Variants in NLRP13 observed in about 807,000 individuals in gnomAD.
NLRP13 encodes NLR family pyrin domain containing 13, also known as NACHT, LRR and PYD domains-containing protein 13.
Under a neutral mutation model 94.4 loss-of-function variants are expected in NLRP13, and 82 were observed. That is an observed-to-expected ratio of 0.87 (90% CI 0.73 to 1.04). The LOEUF is 1.04. Ranked by LOEUF, NLRP13 falls within the 50% of genes least tolerant of loss-of-function variation. NLRP13 has a pLI of 0.00. For missense variants in NLRP13, 1,426 were observed against 1,230.8 expected (o/e 1.16, Z -2.37); for synonymous variants, 553 against 464.7 (o/e 1.19, Z -2.45).
intron 4 of NLRP13, among the ~76,000 whole-genome samples, 177 bp downstream of exon 4, chr19:55,923,737 T>C (rs1301481698): frequency 6.6e-6 from 1 of 152,136 alleles, no homozygotes; most frequent in East Asian, 1.9e-4. Context: ...GGTCTGCGGG[T>C]TGGACCTGGC....
At chr19:55,916,698 G>A (rs765313368) in intron 4 of NLRP13, among the ~76,000 whole-genome samples, 1 of 152,100 alleles carries the variant, frequency 6.6e-6, no homozygotes, top group Admixed American at 6.5e-5. Flanking sequence ...AATGAACAAA[G>A]ACTTCAAAAG....
chr19:55,913,688 A>G (rs958687404), intron 4 of NLRP13, among the ~76,000 whole-genome samples: 10 of 152,112 alleles, frequency 6.6e-5, no homozygotes, highest in African/African-American at 2.2e-4. Flanking sequence ...GATCATAGCG[A>G]GAAGCCTCTC....
At chr19:55,900,138 C>G (rs1240904506) in intron 9 of NLRP13, among the ~76,000 whole-genome samples, 2 of 151,250 alleles carry the variant, frequency 1.3e-5, no homozygotes, top group Non-Finnish European at 2.9e-5. Context: ...AAGTTTGTAC[C>G]CCCAAAACAT....
chr19:55,904,174 C>A (rs1224652943), intron 8 of NLRP13, among the ~76,000 whole-genome samples: 2 of 152,132 alleles, frequency 1.3e-5, no homozygotes, highest in African/African-American at 2.4e-5. Flanking sequence ...CTCACTGAAA[C>A]CTTCACCTCC....
At chr19:55,909,618 C>T (rs967796185) in intron 6 of NLRP13, among the ~76,000 whole-genome samples, 11 of 151,950 alleles carry the variant, frequency 7.2e-5, no homozygotes, top group African/African-American at 2.2e-4. Flanking sequence ...TGGCCAATTT[C>T]GATCTGCCCA....
At position 55,930,901 on chromosome 19, in the gene NLRP13, A is replaced by ATATATATATATTT. The variant is rs1338071833; in HGVS notation, c.319+1091_319+1092insAAATATATATATA. Among the ~76,000 whole-genome samples the ATATATATATATTT allele has an allele frequency of 4.2e-4, 41 of 98,290 alleles. 1 individual carries two copies. The highest frequency in any genetic ancestry group is 4.9e-3 in the Middle Eastern group (1 of 204). 64.5% of individuals were successfully genotyped at this position (98,290 alleles called of 152,430 possible). On this transcript the variant is annotated intron_variant, in intron 1 of 10. Transcript: ENST00000342929. ...ATATATATATATATATATATATAAA[A>ATATATATATATTT]TTTTAACCAGAAGCTTAAACAGCAT...
rs1568688218 is a variant in NLRP13 at position 55,902,134 on chromosome 19, A to G, written c.2690T>C (p.Leu897Pro). Residue 897 changes from leucine (L) to proline (P), a missense_variant, in exon 9 of 11, where the codon CTG becomes CCG. Leu to Pro is a moderately conservative substitution (Grantham distance 98). Transcript: ENST00000342929. ...GTTCTTGCTCAGATTCAGGTGTGTC[A>G]GGCTCCTGTTCTGCAGGAGAGCATC... ...LSDALLQNRSLTHLNLSKNSL... is the reference protein window; with the variant it reads ...LSDALLQNRSPTHLNLSKNSL... 1.9e-6 allele frequency: 3 copies of G among 1,613,942 alleles called. No homozygotes were observed. The highest frequency in any genetic ancestry group is 1.7e-5 in the Admixed American group (1 of 59,992).
At chr19:55,914,357 C>T (rs1318905970) in intron 4 of NLRP13, among the ~76,000 whole-genome samples, 1 of 152,096 alleles carries the variant, frequency 6.6e-6, no homozygotes, top group Non-Finnish European at 1.5e-5. Flanking sequence ...CTTTGAAAAC[C>T]AAGGAATGAG....
intron 8 of NLRP13, among the ~76,000 whole-genome samples, chr19:55,903,894 A>G (rs546381789): frequency 1.6e-4 from 24 of 152,186 alleles, no homozygotes; most frequent in Non-Finnish European, 2.6e-4. Context: ...ACCTGTCCAC[A>G]GCAGCCTGCA....
At chr19:55,895,584 G>A (rs1399434794), downstream of NLRP13, among the ~76,000 whole-genome samples, 1 of 151,814 alleles carries the variant, frequency 6.6e-6, no homozygotes, top group Non-Finnish European at 1.5e-5. Context: ...TCGGGAGGCT[G>A]AGGCAGGAAA....
intron 7 of NLRP13, among the ~76,000 whole-genome samples, 154 bp from the exon 8 acceptor site, chr19:55,905,266 G>A (rs1986304400): frequency 6.6e-6 from 1 of 151,822 alleles, no homozygotes; most frequent in Non-Finnish European, 1.5e-5. Flanking sequence ...AAAGGGCCAG[G>A]CGCAGTGGCT....
At position 55,912,237 on chromosome 19, in the gene NLRP13, T is replaced by A. The variant is rs762605151; in HGVS notation, c.1580A>T (p.Asp527Val). The A allele has an allele frequency of 3.1e-6, 5 of 1,614,032 alleles. No individual in the cohort carries two copies. Among genetic ancestry groups the A allele is most frequent in the Non-Finnish European group, 4.2e-6 (5 of 1,180,008 alleles). The change falls in exon 5 of 11, where the codon GAC (aspartate) becomes GTC (valine). Residue 527 changes from aspartate to valine, a missense_variant. Asp to Val is a radical substitution (Grantham distance 152). Transcript: ENST00000342929. ...GGTGAAAGTAGTGCAACCCCCACAG[T>A]CATTGATCTTTTGAAGAATATTGAA... The part of the protein sequence containing the change: ...YEFNILQKIN[D>V]CGGCTTFTHL...
intron 7 of NLRP13, among the ~76,000 whole-genome samples, chr19:55,907,435 G>A (rs908410692): frequency 6.6e-6 from 1 of 152,096 alleles, no homozygotes; most frequent in Admixed American, 6.6e-5. Flanking sequence ...CACTGGGTGT[G>A]GTGGCACACA....
In NLRP13 at chr19:55,897,140, G is replaced by A. The variant is rs575205089; in HGVS notation, c.2958-1021C>T. 3.4e-4 allele frequency among the ~76,000 whole-genome samples: 52 copies of A among 152,200 alleles called. 1 individual carries two copies. In the South Asian group the frequency reaches 0.011, roughly 31 times the overall value. On this transcript the variant is annotated intron_variant, in intron 10 of 10. Transcript: ENST00000342929. ...CAAAATTTGAACATAGGGTTGGCTA[G>A]CTACTAGAAACACAAAGACAAAAGT...
At position 55,907,982 on chromosome 19, in the gene NLRP13, C is replaced by T. The variant is rs201441361; in HGVS notation, c.2283-26G>A. 1.1e-5 allele frequency: 18 copies of T among 1,580,250 alleles called. No homozygotes were observed. In the Middle Eastern group the frequency reaches 5.7e-4, roughly 50 times the overall value. ...CTGAGGAAGGGAAGGGACATGAAAG[C>T]TGGATTGGGGGAGAAGACTGGTTTC... is the stretch of plus-strand genomic sequence containing the variant. On this transcript the variant is annotated intron_variant, in intron 6 of 10. Transcript: ENST00000342929.
In NLRP13 at chr19:55,896,518, C is replaced by CAAAA. The variant is rs776309030; in HGVS notation, c.2958-403_2958-400dup. Among the ~76,000 whole-genome samples the CAAAA allele has an allele frequency of 4.4e-4, 40 of 90,142 alleles. No individual in the cohort carries two copies. In the South Asian group the frequency reaches 6.5e-3, roughly 15 times the overall value. 59.1% of individuals were successfully genotyped at this position (90,142 alleles called of 152,430 possible). A position where few individuals can be genotyped will look rare whatever the true frequency, so the allele number is the denominator to read the frequency against. Reference sequence around the variant, plus strand: ...GCCTGGCGACAGCAAGATTCTGTCTCAAAAAAAAAAAAAAAAAGGGCTGGG... The same window carrying CAAAA: ...GCCTGGCGACAGCAAGATTCTGTCTCAAAAAAAAAAAAAAAAAAAAAGGGCTGGG... On this transcript the variant is annotated intron_variant, in intron 10 of 10. Coordinates refer to ENST00000342929, the MANE Select transcript of NLRP13 (RefSeq NM_176810.2).
chr19:55,897,040 A>G (rs1291875590), intron 10 of NLRP13, among the ~76,000 whole-genome samples: 5 of 152,170 alleles, frequency 3.3e-5, no homozygotes, highest in Non-Finnish European at 7.4e-5. Flanking sequence ...AGTTTATTAG[A>G]TCTTTGAAAG....
At chr19:55,901,840 A>G (rs575338608) in intron 9 of NLRP13, among the ~76,000 whole-genome samples, 195 bp downstream of exon 9, 1 of 152,148 alleles carries the variant, frequency 6.6e-6, no homozygotes, top group East Asian at 1.9e-4. Flanking sequence ...GCTGGTCTCG[A>G]GGTCCCCCAG....
At position 55,913,226 on chromosome 19, in the gene NLRP13, C is replaced by A. The variant is rs1407937091; in HGVS notation, c.591G>T (p.Trp197Cys). ...TACGGATATATACGTGGTCTTTAGGCCAACTGATGTTGTCCCATGTCTCCA... is the reference window on the plus strand; with the variant it reads ...TACGGATATATACGTGGTCTTTAGGACAACTGATGTTGTCCCATGTCTCCA... ...ELLETWDNISWPKDHVYIRNT... is the reference protein window; with the variant it reads ...ELLETWDNISCPKDHVYIRNT... Residue 197 changes from tryptophan (W) to cysteine (C), a missense_variant, in exon 5 of 11, where the codon TGG (tryptophan) becomes TGT (cysteine). Transcript: ENST00000342929. The A allele has an allele frequency of 2.5e-6, 4 of 1,613,954 alleles. No homozygotes were observed. The highest frequency in any genetic ancestry group is 3.4e-6 in the Non-Finnish European group (4 of 1,179,996).
Sources: allele counts gnomAD v4.1 joint callset (sites outside exome capture counted in the v4.1 genomes callset), GRCh38; gene constraint gnomAD v4.1.1; transcripts MANE v1.5; gene names NCBI Gene and HGNC (gene_info 2026-07-23, HGNC 2026-07-21).